UNC13C: variants seen among roughly 807,000 people sequenced by gnomAD.
UNC13C encodes unc-13 homolog C, also known as protein unc-13 homolog C.
UNC13C carries 174 observed loss-of-function variants against 245.4 expected under a neutral mutation model. The ratio of observed to expected loss-of-function variants is 0.71; its 90% CI spans 0.63 to 0.80. The LOEUF is 0.80. Among genes scored for constraint, UNC13C ranks in the 30% least tolerant of loss-of-function variants. The pLI, the probability that UNC13C is intolerant of heterozygous loss-of-function variation, is 0.00. For synonymous variants in UNC13C, 992 were observed against 895.1 expected (o/e 1.11, Z -1.93); for missense variants, 2,829 against 2,602.9 (o/e 1.09, Z -1.89).
intron 2 of UNC13C, among the ~76,000 whole-genome samples, chr15:54,115,304 G>C (rs1371433567): frequency 2.0e-5 from 3 of 152,062 alleles, no homozygotes; most frequent in Non-Finnish European, 4.4e-5. Flanking sequence ...GAGAAAGGAA[G>C]CTAATATTTT....
chr15:54,055,484 T>C (rs1240061482), intron 2 of UNC13C, among the ~76,000 whole-genome samples: 1 of 152,206 alleles, frequency 6.6e-6, no homozygotes. Context: ...GCAAGTGCTA[T>C]TGTTGTACTG....
chr15:54,047,182 A>T (rs1184180134), intron 2 of UNC13C, among the ~76,000 whole-genome samples: 1 of 152,070 alleles, frequency 6.6e-6, no homozygotes, highest in African/African-American at 2.4e-5. Flanking sequence ...CTATTGCCTG[A>T]CCATCTCAAG....
intron 13 of UNC13C, among the ~76,000 whole-genome samples, chr15:54,319,488 G>A (rs1416426454): frequency 6.6e-6 from 1 of 151,778 alleles, no homozygotes; most frequent in African/African-American, 2.4e-5. Flanking sequence ...TCGAAATCCA[G>A]GGTTAATTTG....
chr15:54,119,660 G>C (rs79862250), intron 2 of UNC13C, among the ~76,000 whole-genome samples: 2,981 of 152,214 alleles, frequency 0.02, 72 homozygotes, highest in East Asian at 0.093. Flanking sequence ...AGCGGGGAAG[G>C]CATGTCGAAA....
chr15:53,996,299 A>G (rs1233035695), intron 1 of UNC13C, among the ~76,000 whole-genome samples: 3 of 152,170 alleles, frequency 2.0e-5, no homozygotes, highest in Non-Finnish European at 4.4e-5. Context: ...TTAATCAAGA[A>G]GACGTTTCTG....
At chr15:53,970,610 A>G in the UNC13C span, among the ~76,000 whole-genome samples, 1 of 152,122 alleles carries the variant, frequency 6.6e-6, no homozygotes, top group Non-Finnish European at 1.5e-5. Flanking sequence ...GTTCTTACTT[A>G]TAAGTGGGAG....
chr15:54,525,466 A>T, intron 24 of UNC13C, 83 bp from the exon 25 acceptor site: 1 of 935,604 alleles, frequency 1.1e-6, no homozygotes, highest in Non-Finnish European at 1.6e-6. Flanking sequence ...AAGTTACCAT[A>T]TAATAATCAA....
chr15:54,350,122 A>G (rs1596265430), intron 17 of UNC13C, among the ~76,000 whole-genome samples: 1 of 151,978 alleles, frequency 6.6e-6, no homozygotes, highest in Non-Finnish European at 1.5e-5. Context: ...CTCCCAAGTA[A>G]CTGGGACTAC....
chr15:54,053,211 T>G (rs1897348166), intron 2 of UNC13C, among the ~76,000 whole-genome samples: 1 of 150,184 alleles, frequency 6.7e-6, no homozygotes, highest in African/African-American at 2.4e-5. Flanking sequence ...TTTTTATTTT[T>G]AGTAGACATC....
At chr15:54,429,101 G>A (rs779312258) in intron 19 of UNC13C, among the ~76,000 whole-genome samples, 22 of 151,498 alleles carry the variant, frequency 1.5e-4, no homozygotes, top group Admixed American at 2.0e-4. Context: ...TTATATTTAC[G>A]GAGTTGTGCA....
At chr15:54,520,205 C>A (rs1895155797) in intron 24 of UNC13C, among the ~76,000 whole-genome samples, 1 of 152,018 alleles carries the variant, frequency 6.6e-6, no homozygotes, top group Admixed American at 6.6e-5. Flanking sequence ...GAGGAAAAGG[C>A]AGGTGGATAA....
At chr15:53,970,948 T>C in the UNC13C span, among the ~76,000 whole-genome samples, 6 of 152,220 alleles carry the variant, frequency 3.9e-5, no homozygotes, top group Non-Finnish European at 8.8e-5. Context: ...TTTTGCATAG[T>C]AGCTACACCA....
intron 14 of UNC13C, among the ~76,000 whole-genome samples, chr15:54,326,177 G>T (rs939331560): frequency 4.6e-5 from 7 of 152,038 alleles, no homozygotes; most frequent in Non-Finnish European, 8.8e-5. Flanking sequence ...AGTTGGGGTA[G>T]TTGTACCTTA....
At chr15:54,472,776 C>T (rs1892528797) in intron 19 of UNC13C, among the ~76,000 whole-genome samples, 1 of 151,854 alleles carries the variant, frequency 6.6e-6, no homozygotes, top group Non-Finnish European at 1.5e-5. Context: ...AATAGACGTT[C>T]TCACATATAT....
intron 30 of UNC13C, among the ~76,000 whole-genome samples, chr15:54,616,604 A>T (rs558728088): frequency 7.2e-5 from 11 of 152,028 alleles, no homozygotes; most frequent in Non-Finnish European, 1.5e-4. Context: ...AAAATAGAAA[A>T]AATTTTACAG....
intron 1 of UNC13C, among the ~76,000 whole-genome samples, chr15:53,981,583 T>A (rs1893929089): frequency 6.6e-6 from 1 of 152,186 alleles, no homozygotes; most frequent in South Asian, 2.1e-4. Flanking sequence ...TCTTAAGTTG[T>A]CTGTGGTTGG....
chr15:53,857,672 C>T, the UNC13C span, among the ~76,000 whole-genome samples: 1 of 152,178 alleles, frequency 6.6e-6, no homozygotes, highest in East Asian at 1.9e-4. Flanking sequence ...TGCTGAGCAT[C>T]TATTATTAAC....
At chr15:54,438,040 A>G (rs1262871146) in intron 19 of UNC13C, among the ~76,000 whole-genome samples, 12 of 152,048 alleles carry the variant, frequency 7.9e-5, no homozygotes, top group South Asian at 6.2e-4. Flanking sequence ...AGGGTAAAAT[A>G]CACTTCAAGT....
chr15:53,998,538 CATAA>C (rs1343432080), intron 1 of UNC13C, among the ~76,000 whole-genome samples: 1 of 152,068 alleles, frequency 6.6e-6, no homozygotes, highest in Non-Finnish European at 1.5e-5. Context: ...AAGATTTTCA[CATAA>C]ATACTCATGT....
Sources: gnomAD v4.1 joint callset for allele counts (sites outside exome capture counted in the v4.1 genomes callset) on GRCh38, gnomAD v4.1.1 for gene constraint, MANE v1.5 for transcripts, NCBI Gene and HGNC (gene_info 2026-07-23, HGNC 2026-07-21) for gene names.